Variants in DCC observed in about 807,000 individuals in gnomAD.
DCC encodes the protein DCC netrin 1 receptor, also known as netrin receptor DCC.
In DCC, 58 loss-of-function variants were observed where a neutral mutation model predicts 172.5. The ratio of observed to expected loss-of-function variants is 0.34; its 90% CI spans 0.27 to 0.42. The LOEUF is 0.42. DCC is among the 10% of genes least tolerant of loss of function. The probability of loss-of-function intolerance (pLI) is 1.00; values close to 1 mark genes in which losing one functional copy is unlikely to be tolerated. For synonymous variants in DCC, 709 were observed against 644.5 expected, an observed-to-expected ratio of 1.10 and a Z score of -1.52; for missense variants, 1,740 against 1,791.0, an observed-to-expected ratio of 0.97 and a Z score of 0.51.
intron 17 of DCC, among the ~76,000 whole-genome samples, chr18:53,396,267 C>T (rs545589178): frequency 1.1e-4 from 16 of 152,194 alleles, no homozygotes; most frequent in Admixed American, 7.2e-4. Flanking sequence ...ATACCTCATA[C>T]CAAGTACAAA....
intron 15 of DCC, among the ~76,000 whole-genome samples, chr18:53,348,696 G>A (rs2057753150): frequency 6.6e-6 from 1 of 152,122 alleles, no homozygotes; most frequent in Non-Finnish European, 1.5e-5. Flanking sequence ...CTGTGCACTG[G>A]CAGGCTCAAC....
At chr18:52,954,670 T>G (rs1339148129) in intron 5 of DCC, among the ~76,000 whole-genome samples, 1 of 152,174 alleles carries the variant, frequency 6.6e-6, no homozygotes, top group African/African-American at 2.4e-5. Context: ...TTCTTACAAC[T>G]GATTATTTAA....
chr18:52,872,971 G>A lies in DCC; in HGVS notation c.413-33073G>A, dbSNP rs534021110. Among the ~76,000 whole-genome samples the A allele has an allele frequency of 4.6e-5, 7 of 152,188 alleles. No homozygotes were observed. The East Asian group carries it at 1.2e-3, about 25-fold the overall frequency. On this transcript the variant is annotated intron_variant, in intron 2 of 28. Transcript: ENST00000442544. ...TTCACAGACGAACTAATGAAAAAAG[G>A]CTTTTAGAAAATATTTAAATTATCC...
chr18:53,507,473 G>A (rs1333464697), intron 27 of DCC, among the ~76,000 whole-genome samples: 2 of 152,186 alleles, frequency 1.3e-5, no homozygotes, highest in East Asian at 1.9e-4. Context: ...ACTTATAAAC[G>A]AATTCAGGTG....
At chr18:53,241,161 T>G (rs2144637592) in intron 12 of DCC, among the ~76,000 whole-genome samples, 1 of 151,596 alleles carries the variant, frequency 6.6e-6, no homozygotes, top group Admixed American at 6.6e-5. Context: ...GATGAGGAGG[T>G]GTAAGGTGAA....
chr18:53,100,002 A>T (rs1258157028), intron 7 of DCC, among the ~76,000 whole-genome samples: 1 of 130,788 alleles, frequency 7.6e-6, no homozygotes, highest in Non-Finnish European at 1.5e-5. Flanking sequence ...GCTGGAGTGC[A>T]GTGGCACAAT....
intron 23 of DCC, among the ~76,000 whole-genome samples, chr18:53,453,220 T>C (rs2045439652): frequency 6.6e-6 from 1 of 152,108 alleles, no homozygotes; most frequent in Non-Finnish European, 1.5e-5. Flanking sequence ...CGGCCCCTTA[T>C]AGTTTAGTTT....
chr18:53,487,035 G>C, intron 26 of DCC, 77 bp downstream of exon 26: 1 of 1,582,378 alleles, frequency 6.3e-7, no homozygotes, highest in Non-Finnish European at 8.6e-7. Flanking sequence ...GTTGCATTCT[G>C]ACCTTATCCC....
intron 8 of DCC, among the ~76,000 whole-genome samples, chr18:53,166,417 G>A (rs1487737040): frequency 1.3e-5 from 2 of 152,160 alleles, no homozygotes; most frequent in African/African-American, 4.8e-5. Context: ...GTGTCAGCAT[G>A]TGGATGCTCG....
At chr18:52,601,742 T>C (rs2034021891) in intron 1 of DCC, among the ~76,000 whole-genome samples, 1 of 152,042 alleles carries the variant, frequency 6.6e-6, no homozygotes, top group African/African-American at 2.4e-5. Flanking sequence ...CTAGTGTTCT[T>C]AGATCTTTTT....
At chr18:52,863,502 C>T (rs1247851879) in intron 2 of DCC, among the ~76,000 whole-genome samples, 2 of 151,510 alleles carry the variant, frequency 1.3e-5, no homozygotes, top group Non-Finnish European at 3.0e-5. Flanking sequence ...AGAAAAAAGC[C>T]AAAAGCATAT....
At chr18:53,105,238 A>C (rs1417672120) in intron 7 of DCC, among the ~76,000 whole-genome samples, 1 of 151,994 alleles carries the variant, frequency 6.6e-6, no homozygotes, top group Non-Finnish European at 1.5e-5. Flanking sequence ...GGCAGTTTAG[A>C]TTTCCTTAAT....
intron 23 of DCC, 49 bp downstream of exon 23, chr18:53,450,711 G>A (rs779925598): frequency 6.7e-7 from 1 of 1,487,956 alleles, no homozygotes; most frequent in Non-Finnish European, 9.4e-7. Context: ...GTCTTTTGGG[G>A]TTATATTTTT....
chr18:53,435,272 G>C, intron 22 of DCC, 63 bp downstream of exon 22: 1 of 1,122,212 alleles, frequency 8.9e-7, no homozygotes, highest in Non-Finnish European at 1.4e-6. Flanking sequence ...ATTCAAGAGT[G>C]TCTGGGGCAA....
chr18:53,434,376 A>G (rs1317501201), intron 21 of DCC, among the ~76,000 whole-genome samples: 1 of 152,222 alleles, frequency 6.6e-6, no homozygotes, highest in Admixed American at 6.5e-5. Flanking sequence ...TTTCAGTTCT[A>G]TGAATGCACC....
Position 52,786,796 on chromosome 18 carries a change from G to T in DCC, c.412+34422G>T, listed in dbSNP as rs569032601. ...CCTGTGTGGGGACTGTGTAGACAAG[G>T]TATGAGGCCAGTCTTCCCCAAGGGG... On this transcript the variant is annotated intron_variant, in intron 2 of 28. Transcript: ENST00000442544. Among the ~76,000 whole-genome samples the T allele has an allele frequency of 1.2e-4, 18 of 152,168 alleles. No individual in the cohort carries two copies. The East Asian group carries it at 2.9e-3, about 25-fold the overall frequency.
intron 7 of DCC, among the ~76,000 whole-genome samples, chr18:53,079,291 G>A (rs867673326): frequency 6.6e-6 from 1 of 151,842 alleles, no homozygotes; most frequent in African/African-American, 2.4e-5. Flanking sequence ...CTGCTTTCTT[G>A]TTATACTTGA....
chr18:52,614,241 A>G (rs75471415), intron 1 of DCC, among the ~76,000 whole-genome samples: 3,028 of 152,296 alleles, frequency 0.02, 102 homozygotes, highest in East Asian at 0.091. Flanking sequence ...GACGAAGTGT[A>G]CTAAACTGTA....
chr18:53,465,585 G>T (rs1202851341), intron 24 of DCC, among the ~76,000 whole-genome samples: 1 of 151,956 alleles, frequency 6.6e-6, no homozygotes, highest in African/African-American at 2.4e-5. Context: ...CCTGTTCGGG[G>T]ATTACTGAAT....
Sources: gnomAD v4.1 joint callset for allele counts (sites outside exome capture counted in the v4.1 genomes callset) on GRCh38, gnomAD v4.1.1 for gene constraint, MANE v1.5 for transcripts, NCBI Gene and HGNC (gene_info 2026-07-23, HGNC 2026-07-21) for gene names.